The following NPAS3 variants were observed in gnomAD, a reference collection of about 807,000 sequenced individuals.
The protein encoded by NPAS3 is neuronal PAS domain-containing protein 3.
NPAS3 carries 14 observed loss-of-function variants against 73.1 expected under a neutral mutation model. That is an observed-to-expected ratio of 0.19 (90% CI 0.13 to 0.30). The LOEUF (loss-of-function observed/expected upper bound fraction) is 0.30. Among genes scored for constraint, NPAS3 ranks in the 10% least tolerant of loss-of-function variants. The pLI is 1.00. For synonymous variants in NPAS3, 620 were observed against 541.5 expected (o/e 1.14, Z -2.01); for missense variants, 1,096 against 1,250.0 (o/e 0.88, Z 1.86).
chr14:33,539,059 A>C (rs543195561), intron 4 of NPAS3, among the ~76,000 whole-genome samples: 3 of 151,968 alleles, frequency 2.0e-5, no homozygotes, highest in East Asian at 3.9e-4. Flanking sequence ...CTGCGGAGGG[A>C]GGGGGAATCA....
intron 4 of NPAS3, among the ~76,000 whole-genome samples, chr14:33,374,014 C>T (rs2046210912): frequency 6.6e-6 from 1 of 152,022 alleles, no homozygotes; most frequent in Non-Finnish European, 1.5e-5. Context: ...GTTCAGGACA[C>T]AAATGTGTCC....
chr14:33,694,006 GT>G (rs930246863), intron 6 of NPAS3, among the ~76,000 whole-genome samples: 1 of 151,516 alleles, frequency 6.6e-6, no homozygotes, highest in Non-Finnish European at 1.5e-5. Context: ...CATGTTCACT[GT>G]TTTTTTTCAA....
At chr14:33,764,777 T>A (rs892674359) in intron 7 of NPAS3, among the ~76,000 whole-genome samples, 1 of 152,242 alleles carries the variant, frequency 6.6e-6, no homozygotes, top group African/African-American at 2.4e-5. Flanking sequence ...AGTAGTACAA[T>A]GGGCCTCTGT....
At chr14:33,648,345 A>G (rs1056900030) in intron 5 of NPAS3, among the ~76,000 whole-genome samples, 6 of 152,224 alleles carry the variant, frequency 3.9e-5, no homozygotes, top group Admixed American at 2.6e-4. Flanking sequence ...ATAGTCCTGC[A>G]TATACACAAA....
At chr14:33,444,659 G>A (rs971906032) in intron 4 of NPAS3, among the ~76,000 whole-genome samples, 18 of 152,160 alleles carry the variant, frequency 1.2e-4, no homozygotes, top group Admixed American at 9.2e-4. Flanking sequence ...CATGTGGATC[G>A]GCCTGGGTAG....
chr14:33,404,192 T>C (rs1232059451), intron 4 of NPAS3, among the ~76,000 whole-genome samples: 7 of 152,134 alleles, frequency 4.6e-5, no homozygotes, highest in Non-Finnish European at 7.4e-5. Flanking sequence ...ATAATCTCTT[T>C]GGACTGAAGG....
At chr14:33,251,900 C>G (rs964940231) in intron 3 of NPAS3, among the ~76,000 whole-genome samples, 1 of 151,962 alleles carries the variant, frequency 6.6e-6, no homozygotes, top group Admixed American at 6.6e-5. Flanking sequence ...TTAGAGGGGA[C>G]CTGGCCCAAT....
chr14:33,458,401 T>A (rs1260284760), intron 4 of NPAS3, among the ~76,000 whole-genome samples: 3 of 152,214 alleles, frequency 2.0e-5, no homozygotes, highest in Non-Finnish European at 4.4e-5. Context: ...TTGGCACAGA[T>A]TTATTTTTTG....
intron 5 of NPAS3, among the ~76,000 whole-genome samples, chr14:33,648,220 C>T (rs912102957): frequency 5.9e-5 from 9 of 152,216 alleles, no homozygotes; most frequent in Non-Finnish European, 1.2e-4. Context: ...CTGCCCACTA[C>T]AGGAACAGAA....
intron 4 of NPAS3, among the ~76,000 whole-genome samples, chr14:33,421,891 G>C (rs2048373705): frequency 6.6e-6 from 1 of 151,918 alleles, no homozygotes; most frequent in African/African-American, 2.4e-5. Flanking sequence ...TGGACACTAT[G>C]GATAGGAAGT....
intron 4 of NPAS3, among the ~76,000 whole-genome samples, chr14:33,376,620 T>A (rs972753613): frequency 6.6e-6 from 1 of 152,172 alleles, no homozygotes; most frequent in Admixed American, 6.5e-5. Flanking sequence ...CAGCTCCGTG[T>A]TAGAAGCTTA....
intron 5 of NPAS3, among the ~76,000 whole-genome samples, chr14:33,582,791 A>T (rs1226633121): frequency 6.6e-6 from 1 of 152,192 alleles, no homozygotes; most frequent in Non-Finnish European, 1.5e-5. Flanking sequence ...GTATGCTATA[A>T]CTAATGGAGA....
intron 3 of NPAS3, among the ~76,000 whole-genome samples, chr14:33,266,809 A>G (rs1001206244): frequency 2.6e-5 from 4 of 152,194 alleles, no homozygotes; most frequent in Non-Finnish European, 5.9e-5. Context: ...CTAGTACTCT[A>G]GCCACTACAG....
At chr14:33,326,565 A>G (rs970704219) in intron 3 of NPAS3, among the ~76,000 whole-genome samples, 1 of 152,244 alleles carries the variant, frequency 6.6e-6, no homozygotes, top group Non-Finnish European at 1.5e-5. Flanking sequence ...AAAATGGATT[A>G]TTATATGCAG....
chr14:33,641,849 A>C (rs76447455), intron 5 of NPAS3, among the ~76,000 whole-genome samples: 11,864 of 152,182 alleles, frequency 0.078, 543 homozygotes, highest in South Asian at 0.13. Flanking sequence ...TATTTTTCAA[A>C]TTGAATTGGT....
intron 3 of NPAS3, among the ~76,000 whole-genome samples, chr14:33,266,834 A>G (rs959698657): frequency 4.6e-5 from 7 of 152,190 alleles, no homozygotes; most frequent in African/African-American, 1.4e-4. Context: ...TTGTATTCCT[A>G]TCCTGGGTAT....
intron 5 of NPAS3, 165 bp downstream of exon 5, chr14:33,560,375 G>A: frequency 2.1e-6 from 1 of 479,030 alleles, no homozygotes. Flanking sequence ...CTGTGTGTCA[G>A]TGTTGAACAT....
At chr14:32,949,060 A>G (rs1486206572) in intron 1 of NPAS3, among the ~76,000 whole-genome samples, 1 of 152,098 alleles carries the variant, frequency 6.6e-6, no homozygotes, top group African/African-American at 2.4e-5. Flanking sequence ...CAATGTTAAC[A>G]GTTTAACTCT....
exon 11 of NPAS3, chr14:33,797,506 C>G: frequency 6.2e-7 from 1 of 1,614,188 alleles, no homozygotes; most frequent in Non-Finnish European, 8.5e-7. Context: ...GCTCCCCCAT[C>G]TGCCGGAGAA....
Sources: allele counts gnomAD v4.1 joint callset (sites outside exome capture counted in the v4.1 genomes callset), GRCh38; gene constraint gnomAD v4.1.1; transcripts MANE v1.5; gene names NCBI Gene and HGNC (gene_info 2026-07-23, HGNC 2026-07-21).